Variants in PLD5 observed in about 807,000 individuals in gnomAD.
PLD5 encodes inactive phospholipase D5.
PLD5 carries 36 observed loss-of-function variants against 61.1 expected under a neutral mutation model. The ratio of observed to expected loss-of-function variants is 0.59; its 90% CI spans 0.45 to 0.78. The LOEUF (loss-of-function observed/expected upper bound fraction) is 0.78. PLD5 is among the 30% of genes least tolerant of loss of function. PLD5 has a pLI of 0.00. For missense variants in PLD5, 515 were observed against 644.4 expected (o/e 0.80, Z 2.17); for synonymous variants, 243 against 242.8 (o/e 1.00, Z -0.01).
chr1:242,322,964 T>C (rs1658514961), intron 2 of PLD5, among the ~76,000 whole-genome samples: 1 of 152,166 alleles, frequency 6.6e-6, no homozygotes, highest in Non-Finnish European at 1.5e-5. Context: ...TCTTCCCCAT[T>C]AGACTCTGAG....
chr1:242,144,646 T>A (rs1426265005), intron 5 of PLD5, among the ~76,000 whole-genome samples: 1 of 152,122 alleles, frequency 6.6e-6, no homozygotes, highest in Non-Finnish European at 1.5e-5. Flanking sequence ...CTGGGTGTGG[T>A]GGCACGTGCC....
intron 4 of PLD5, among the ~76,000 whole-genome samples, chr1:242,257,842 T>G (rs1673166539): frequency 6.6e-6 from 1 of 152,178 alleles, no homozygotes; most frequent in South Asian, 2.1e-4. Flanking sequence ...AAACTGGTTG[T>G]TTGTACGGTC....
At chr1:242,509,620 C>A (rs1572267290) in intron 1 of PLD5, among the ~76,000 whole-genome samples, 1 of 152,192 alleles carries the variant, frequency 6.6e-6, no homozygotes, top group African/African-American at 2.4e-5. Context: ...CTCTCCTTTT[C>A]ATAAACCACC....
chr1:242,510,269 G>A (rs955245214), intron 1 of PLD5, among the ~76,000 whole-genome samples: 5 of 152,000 alleles, frequency 3.3e-5, no homozygotes, highest in South Asian at 2.1e-4. Context: ...GGGGAACCAC[G>A]GAATACGAAT....
intron 5 of PLD5, among the ~76,000 whole-genome samples, chr1:242,135,929 G>A (rs1188602548): frequency 1.3e-5 from 2 of 152,148 alleles, no homozygotes; most frequent in Non-Finnish European, 1.5e-5. Context: ...CTAGCGAGAC[G>A]AAGGAATGAA....
chr1:242,187,123 G>A (rs1011737591), intron 5 of PLD5, among the ~76,000 whole-genome samples: 2 of 152,172 alleles, frequency 1.3e-5, no homozygotes, highest in Admixed American at 6.5e-5. Flanking sequence ...AGCCAGAGAC[G>A]GTCAGGTGGC....
chr1:242,334,889 T>G (rs1659410372), intron 2 of PLD5, among the ~76,000 whole-genome samples: 1 of 152,174 alleles, frequency 6.6e-6, no homozygotes, highest in African/African-American at 2.4e-5. Flanking sequence ...TTCCTCACAT[T>G]TATTTTTCCA....
At chr1:242,526,727 C>G (rs867309913), upstream of PLD5, among the ~76,000 whole-genome samples, 3 of 152,162 alleles carry the variant, frequency 2.0e-5, no homozygotes, top group African/African-American at 4.8e-5. Flanking sequence ...TTTATTATTA[C>G]ACTTTGCCCT....
chr1:242,213,590 T>C (rs1033918694), intron 5 of PLD5, among the ~76,000 whole-genome samples: 1 of 152,054 alleles, frequency 6.6e-6, no homozygotes, highest in East Asian at 1.9e-4. Context: ...ACCAGGCATA[T>C]CAACTGGCTC....
At chr1:242,126,426 G>A (rs1662789017) in intron 5 of PLD5, among the ~76,000 whole-genome samples, 1 of 152,190 alleles carries the variant, frequency 6.6e-6, no homozygotes. Flanking sequence ...TAAGGCCACA[G>A]TCACCACAAC....
intron 5 of PLD5, among the ~76,000 whole-genome samples, chr1:242,176,681 C>T (rs1049194113): frequency 6.6e-6 from 1 of 152,122 alleles, no homozygotes; most frequent in Non-Finnish European, 1.5e-5. Context: ...TGCAATCTAT[C>T]CATCTGACAA....
intron 1 of PLD5, among the ~76,000 whole-genome samples, chr1:242,497,534 G>C (rs1163896421): frequency 1.3e-5 from 2 of 152,108 alleles, no homozygotes; most frequent in Non-Finnish European, 2.9e-5. Flanking sequence ...AATGTGGACT[G>C]AGCCATCCAT....
intron 5 of PLD5, among the ~76,000 whole-genome samples, chr1:242,171,872 AC>A (rs1666776871): frequency 6.6e-6 from 1 of 152,236 alleles, no homozygotes. Flanking sequence ...TGCACCCAAT[AC>A]AGGAGCACCT....
chr1:242,265,303 C>G (rs1673603918), intron 4 of PLD5, 34 bp downstream of exon 4: 1 of 1,588,618 alleles, frequency 6.3e-7, no homozygotes, highest in African/African-American at 1.4e-5. Context: ...ACAGAACACC[C>G]AGCGGTAGAA....
chr1:242,093,483 G>A (rs560941662), intron 9 of PLD5, among the ~76,000 whole-genome samples: 14 of 152,198 alleles, frequency 9.2e-5, no homozygotes, highest in East Asian at 3.9e-4. Flanking sequence ...CTTCACTGCC[G>A]TCCTCTGAGG....
chr1:242,524,371 C>G lies in PLD5; in HGVS notation c.-95G>C. The G allele has an allele frequency of 3.3e-6, 4 of 1,208,150 alleles. No individual in the cohort carries two copies. The highest frequency in any genetic ancestry group is 4.3e-6 in the Non-Finnish European group (4 of 934,998). 74.8% of individuals were successfully genotyped at this position (1,208,150 alleles called of 1,614,324 possible). ...GGGCGAGCGGGAGGCCCAGCGGGAG[C>G]CGGAGGTGGAGCTGGAGACTGAGCT... On this transcript the variant is annotated 5_prime_UTR_variant, in exon 1 of 10. Transcript: ENST00000536534.
At chr1:242,328,310 A>G (rs201008982) in intron 2 of PLD5, among the ~76,000 whole-genome samples, 1 of 27,346 alleles carries the variant, frequency 3.7e-5, no homozygotes, top group African/African-American at 1.3e-4. Flanking sequence ...CTACATATAT[A>G]TGTTCTACAT....
chr1:242,303,306 T>C (rs1314226608), intron 2 of PLD5, among the ~76,000 whole-genome samples: 2 of 152,214 alleles, frequency 1.3e-5, no homozygotes, highest in African/African-American at 2.4e-5. Flanking sequence ...TCTCAGCCCA[T>C]TGCTTCAAGC....
chr1:242,157,197 C>T (rs1574413458), intron 5 of PLD5, among the ~76,000 whole-genome samples: 1 of 152,176 alleles, frequency 6.6e-6, no homozygotes, highest in South Asian at 2.1e-4. Context: ...TGTTTTTCAG[C>T]TCCATCAGGT....
Sources: allele counts gnomAD v4.1 joint callset (sites outside exome capture counted in the v4.1 genomes callset), GRCh38; gene constraint gnomAD v4.1.1; transcripts MANE v1.5; gene names NCBI Gene and HGNC (gene_info 2026-07-23, HGNC 2026-07-21).